ANKRD30B: variants seen among roughly 807,000 people sequenced by gnomAD.
ANKRD30B encodes ankyrin repeat domain-containing protein 30B.
A neutral mutation model predicts 202.2 loss-of-function variants in ANKRD30B; 144 were observed. The observed-to-expected ratio is 0.71, with a 90% CI of 0.62 to 0.82. ANKRD30B has a LOEUF of 0.82. ANKRD30B is among the 40% of genes least tolerant of loss of function. ANKRD30B has a pLI of 0.00. For synonymous variants in ANKRD30B, 508 were observed against 561.3 expected, an observed-to-expected ratio of 0.91 and a Z score of 1.34; for missense variants, 1,487 against 1,669.1, an observed-to-expected ratio of 0.89 and a Z score of 1.90.
the ANKRD30B span, among the ~76,000 whole-genome samples, chr18:14,917,790 G>A: frequency 1.3e-5 from 2 of 152,204 alleles, no homozygotes; most frequent in Non-Finnish European, 2.9e-5. Flanking sequence ...CAGTACACTT[G>A]TAAGCAAAAG....
chr18:14,869,988 A>G, the ANKRD30B span, among the ~76,000 whole-genome samples: 1 of 151,754 alleles, frequency 6.6e-6, no homozygotes, highest in Non-Finnish European at 1.5e-5. Flanking sequence ...GGCACGGGCC[A>G]CCACGACCTG....
chr18:14,815,427 C>T (rs1207335250), intron 30 of ANKRD30B, among the ~76,000 whole-genome samples: 2 of 151,964 alleles, frequency 1.3e-5, no homozygotes, highest in Admixed American at 6.6e-5. Context: ...AGTTGTCAGG[C>T]GATGCTGATG....
the ANKRD30B span, among the ~76,000 whole-genome samples, chr18:14,938,609 G>T: frequency 6.6e-6 from 1 of 152,168 alleles, no homozygotes; most frequent in African/African-American, 2.4e-5. Context: ...ACAGGACATG[G>T]CAGTACTAAT....
chr18:14,762,036 T>A (rs2143716163), intron 6 of ANKRD30B, among the ~76,000 whole-genome samples: 1 of 152,332 alleles, frequency 6.6e-6, no homozygotes, highest in East Asian at 1.9e-4. Flanking sequence ...ACGGTATTCT[T>A]ACAATAAAGT....
the ANKRD30B span, among the ~76,000 whole-genome samples, chr18:14,910,484 A>AAAAT: frequency 1.4e-5 from 2 of 147,624 alleles, no homozygotes; most frequent in African/African-American, 4.9e-5. Flanking sequence ...ACAATGTAAA[A>AAAAT]ATATATATAT....
At chr18:14,883,365 GTCTGTCTCTCTCTCTCTC>G in the ANKRD30B span, among the ~76,000 whole-genome samples, 2 of 105,846 alleles carry the variant, frequency 1.9e-5, no homozygotes, top group East Asian at 2.4e-4. Context: ...CTCTCTGTCT[GTCTGTCTCTCTCTCTCTC>G]TCTCTCTCTC....
In ANKRD30B at chr18:14,748,464, G is replaced by A. The variant is rs369289019; in HGVS notation, c.45G>A (p.Pro15=). 4 of 1,538,734 alleles carry A rather than the reference G, an allele frequency of 2.6e-6. No individual in the cohort carries two copies. Among genetic ancestry groups the A allele is most frequent in the South Asian group, 1.2e-5 (1 of 82,938 alleles). ...CCGCTGGCAAGGGCGTGCGGGGCCC[G>A]GAGCCCCCGAACCCCTTCAGCGAAC... ...LAAAGKGVRG[P]EPPNPFSERV... is the part of the protein sequence containing the mutation. The change falls in exon 1 of 44, where the codon CCG becomes CCA. Residue 15 remains proline, a synonymous_variant. Transcript: ENST00000690538.
chr18:14,806,150 G>T (rs1969497715), intron 24 of ANKRD30B, among the ~76,000 whole-genome samples: 1 of 149,548 alleles, frequency 6.7e-6, no homozygotes, highest in Admixed American at 6.6e-5. Flanking sequence ...AACCCGGGAG[G>T]TGGAGCTTAC....
chr18:14,856,350 A>C, downstream of ANKRD30B, among the ~76,000 whole-genome samples: 1 of 62,004 alleles, frequency 1.6e-5, no homozygotes. Flanking sequence ...CAGATGGGGC[A>C]GCCGGGCAGA....
At chr18:14,921,611 A>G in the ANKRD30B span, among the ~76,000 whole-genome samples, 9 of 152,332 alleles carry the variant, frequency 5.9e-5, no homozygotes, top group South Asian at 1.9e-3. Context: ...CTATGAAAAA[A>G]TACTAGACAA....
At chr18:14,786,896 T>C (rs1968116752) in intron 14 of ANKRD30B, 143 bp from the exon 15 acceptor site, 1 of 686,626 alleles carries the variant, frequency 1.5e-6, no homozygotes, top group South Asian at 2.4e-5. Context: ...ACTATAGAAG[T>C]AGTCACTGTA....
chr18:14,933,336 G>C, the ANKRD30B span, among the ~76,000 whole-genome samples: 1 of 152,186 alleles, frequency 6.6e-6, no homozygotes, highest in South Asian at 2.1e-4. Context: ...GCTGCAGAGA[G>C]AGCCCCGGCA....
chr18:14,903,702 T>A, the ANKRD30B span: 1 of 152,282 alleles, frequency 6.6e-6, no homozygotes, highest in Non-Finnish European at 1.5e-5. Flanking sequence ...ACCACTATTT[T>A]GGGGTAAAGT....
chr18:14,789,072 T>C (rs1968288801), intron 15 of ANKRD30B, among the ~76,000 whole-genome samples: 1 of 151,968 alleles, frequency 6.6e-6, no homozygotes, highest in Non-Finnish European at 1.5e-5. Context: ...TCCTGACTTT[T>C]TAATGATTGC....
At chr18:14,798,733 C>A (rs1598639119) in intron 20 of ANKRD30B, among the ~76,000 whole-genome samples, 1 of 152,120 alleles carries the variant, frequency 6.6e-6, no homozygotes, top group South Asian at 2.1e-4. Context: ...GGATAGGAAC[C>A]TTGGTGATGT....
intron 4 of ANKRD30B, among the ~76,000 whole-genome samples, chr18:14,756,437 T>G (rs2143668834): frequency 6.6e-6 from 1 of 152,338 alleles, no homozygotes; most frequent in Admixed American, 6.5e-5. Flanking sequence ...TTTTGGCTTT[T>G]GTTGCCATTG....
the ANKRD30B span, chr18:14,903,690 G>A: frequency 6.6e-6 from 1 of 152,064 alleles, no homozygotes; most frequent in Admixed American, 6.6e-5. Flanking sequence ...GTTACATCAG[G>A]GACCACTATT....
intron 17 of ANKRD30B, 46 bp from the exon 18 acceptor site, chr18:14,796,297 G>T (rs1251066671): frequency 1.2e-6 from 2 of 1,609,754 alleles, no homozygotes; most frequent in Admixed American, 1.7e-5. Flanking sequence ...CATATTTTAG[G>T]AAGCATATAT....
chr18:14,861,918 C>A, the ANKRD30B span, among the ~76,000 whole-genome samples: 1 of 152,094 alleles, frequency 6.6e-6, no homozygotes, highest in African/African-American at 2.4e-5. Flanking sequence ...TTTTAAAAAT[C>A]ACAACTATAT....
Sources: allele counts gnomAD v4.1 joint callset (sites outside exome capture counted in the v4.1 genomes callset), GRCh38; gene constraint gnomAD v4.1.1; transcripts MANE v1.5; gene names NCBI Gene and HGNC (gene_info 2026-07-23, HGNC 2026-07-21).